The following KAZN variants were observed in gnomAD, a reference collection of about 807,000 sequenced individuals.
KAZN encodes kazrin.
A neutral mutation model predicts 87.4 loss-of-function variants in KAZN; 40 were observed. The ratio of observed to expected loss-of-function variants is 0.46; its 90% CI spans 0.36 to 0.60. KAZN has a LOEUF of 0.60. Ranked by LOEUF, KAZN falls within the 20% of genes least tolerant of loss-of-function variation. KAZN has a pLI of 0.00. For missense variants in KAZN, 898 were observed against 1,073.9 expected (o/e 0.84, Z 2.29); for synonymous variants, 466 against 458.3 (o/e 1.02, Z -0.22).
chr1:14,703,506 T>A (rs1256204674), intron 1 of KAZN, among the ~76,000 whole-genome samples: 1 of 152,252 alleles, frequency 6.6e-6, no homozygotes, highest in African/African-American at 2.4e-5. Flanking sequence ...TCTGCCATGA[T>A]TGTCAGTTTC....
rs2100572331 is a variant in KAZN, at chr1:15,066,743, G to A, written c.1222+990G>A. ...TGCTGCTACCCAACTGTGCAAAGTA[G>A]TTTAGGGTGGCCAGAACCCAGGGAC... On this transcript the variant is annotated intron_variant, in intron 8 of 14. Transcript: ENST00000376030. This position sits in a 1 kb window ranked among gnomAD's most constrained non-coding sequence, Gnocchi z 4.3. The A allele has an allele frequency of 1.0e-6, 1 of 985,386 alleles. No individual in the cohort carries two copies. The highest frequency in any genetic ancestry group is 1.7e-5 in the African/African-American group (1 of 57,336). The allele number at this position is 985,386 out of a possible 1,614,324, so 61.0% of individuals were successfully genotyped here. A position where few individuals can be genotyped will look rare whatever the true frequency, so the allele number is the denominator to read the frequency against.
At chr1:14,676,769 C>A (rs978246758) in intron 1 of KAZN, among the ~76,000 whole-genome samples, 3 of 152,046 alleles carry the variant, frequency 2.0e-5, no homozygotes, top group African/African-American at 7.2e-5. Context: ...AGTTGGAAAG[C>A]AGATTGGTGG....
chr1:14,172,512 A>C (rs1645976112), intron 1 of KAZN, among the ~76,000 whole-genome samples: 1 of 152,246 alleles, frequency 6.6e-6, no homozygotes, highest in Admixed American at 6.5e-5. Flanking sequence ...GACCTCATGG[A>C]ACTTACAACT....
At chr1:15,004,172 G>A (rs767953159) in intron 2 of KAZN, among the ~76,000 whole-genome samples, 6 of 152,140 alleles carry the variant, frequency 3.9e-5, no homozygotes, top group Admixed American at 6.5e-5. Context: ...GGATGAGAAC[G>A]TCCTGTATTT....
intron 2 of KAZN, among the ~76,000 whole-genome samples, chr1:14,374,437 G>T (rs932707925): frequency 6.6e-6 from 1 of 152,218 alleles, no homozygotes; most frequent in East Asian, 1.9e-4. Context: ...TCCCCTTCAG[G>T]CAAGGATGAG....
intron 2 of KAZN, among the ~76,000 whole-genome samples, chr1:14,402,389 A>G (rs1663491354): frequency 6.6e-6 from 1 of 152,140 alleles, no homozygotes; most frequent in East Asian, 1.9e-4. Flanking sequence ...ATTCTCATGG[A>G]AAGTTTATGA....
At chr1:14,685,853 G>A (rs1640920628) in intron 1 of KAZN, among the ~76,000 whole-genome samples, 1 of 152,176 alleles carries the variant, frequency 6.6e-6, no homozygotes, top group African/African-American at 2.4e-5. Context: ...TTACAGCTAT[G>A]GCTTCTGTGT....
intron 1 of KAZN, among the ~76,000 whole-genome samples, chr1:14,629,393 C>T (rs1035679299): frequency 8.5e-5 from 13 of 152,208 alleles, no homozygotes; most frequent in Non-Finnish European, 1.8e-4. Context: ...TGCTCTTCTA[C>T]TAAGTCACTT....
intron 2 of KAZN, among the ~76,000 whole-genome samples, chr1:14,349,778 G>A (rs1023499415): frequency 2.6e-5 from 4 of 152,122 alleles, no homozygotes; most frequent in African/African-American, 4.8e-5. Context: ...GGACAGCCTG[G>A]CCTGGCAGGC....
intron 1 of KAZN, among the ~76,000 whole-genome samples, chr1:14,621,539 G>A (rs893965228): frequency 6.6e-6 from 1 of 152,168 alleles, no homozygotes; most frequent in Non-Finnish European, 1.5e-5. Flanking sequence ...TTTGCTTTGG[G>A]GAACAAGACA....
chr1:14,572,056 G>C (rs1674902866), intron 2 of KAZN, among the ~76,000 whole-genome samples: 1 of 152,172 alleles, frequency 6.6e-6, no homozygotes, highest in African/African-American at 2.4e-5. Context: ...TGCAGCTTCG[G>C]GGGAGGTACT....
At chr1:14,519,325 G>A (rs927687772) in intron 2 of KAZN, among the ~76,000 whole-genome samples, 3 of 152,258 alleles carry the variant, frequency 2.0e-5, no homozygotes, top group South Asian at 2.1e-4. Flanking sequence ...GATGGCCTCC[G>A]AGGCCAGTTC....
intron 2 of KAZN, among the ~76,000 whole-genome samples, chr1:14,523,991 C>CGTTTTGTTTTGTTTTGTTTT (rs57675147): frequency 6.7e-5 from 10 of 148,914 alleles, no homozygotes; most frequent in African/African-American, 2.2e-4. Context: ...GCGTGTCACT[C>CGTTTTGTTTTGTTTTGTTTT]GTTTTGTTTT....
At chr1:13,994,887 C>CAAAT (rs990774362) in intron 1 of KAZN, among the ~76,000 whole-genome samples, 5 of 151,782 alleles carry the variant, frequency 3.3e-5, no homozygotes, top group Non-Finnish European at 5.9e-5. Context: ...AACAAACAAA[C>CAAAT]AAACAAACAA....
chr1:14,478,811 A>G (rs911073658), intron 2 of KAZN, among the ~76,000 whole-genome samples: 21 of 152,294 alleles, frequency 1.4e-4, no homozygotes, highest in African/African-American at 5.1e-4. Flanking sequence ...TGCTGTGGTC[A>G]GAGTGTGTCC....
intron 1 of KAZN, among the ~76,000 whole-genome samples, chr1:14,858,203 C>CTTTTTTTTTTTTTTTTTTTTTT (rs1388659468): frequency 6.3e-5 from 6 of 95,102 alleles, no homozygotes; most frequent in African/African-American, 3.2e-4. Context: ...TTTCTTTTTT[C>CTTTTTTTTTTTTTTTTTTTTTT]TTTTTCTTTT....
Position 14,100,036 on chromosome 1 carries a change from C to T in KAZN, c.92-80399C>T, listed in dbSNP as rs577541596. 1.7e-4 allele frequency among the ~76,000 whole-genome samples: 26 copies of T among 152,206 alleles called. 1 individual carries two copies. In the South Asian group the frequency reaches 5.2e-3, roughly 30 times the overall value. On this transcript the variant is annotated intron_variant, in intron 1 of 16. Coordinates refer to the KAZN transcript ENST00000636203. ...AGGCAATAAAGTACTGGAGAATGGCCATGAAAGTTGCATCTGCAGCCAACA... is the reference window on the plus strand; with the variant it reads ...AGGCAATAAAGTACTGGAGAATGGCTATGAAAGTTGCATCTGCAGCCAACA...
At position 15,117,043 on chromosome 1, in the gene KAZN, G is replaced by A. The variant is rs554035108; in HGVS notation, c.*2408G>A. The A allele has an allele frequency of 6.6e-6, 1 of 152,292 alleles. No homozygotes were observed. Among genetic ancestry groups the A allele is most frequent in the South Asian group, 2.1e-4 (1 of 4,830 alleles). 9.4% of individuals were successfully genotyped at this position (152,292 alleles called of 1,614,324 possible). A position where few individuals can be genotyped will look rare whatever the true frequency, so the allele number is the denominator to read the frequency against. On this transcript the variant is annotated 3_prime_UTR_variant, in exon 15 of 15. Transcript: ENST00000376030. ...GGAGCTGGTTTCTCAACATGAGGATGGGTTGGTTGTTAAATTAACAACCTC... is the reference window on the plus strand; with the variant it reads ...GGAGCTGGTTTCTCAACATGAGGATAGGTTGGTTGTTAAATTAACAACCTC...
intron 2 of KAZN, among the ~76,000 whole-genome samples, chr1:14,985,563 G>A (rs1666721775): frequency 6.6e-6 from 1 of 152,006 alleles, no homozygotes; most frequent in African/African-American, 2.4e-5. Context: ...AAGATGGAAT[G>A]AAAGAATGAG....
Sources: allele counts gnomAD v4.1 joint callset (sites outside exome capture counted in the v4.1 genomes callset), GRCh38; gene constraint gnomAD v4.1.1; non-coding constraint Gnocchi (gnomAD v3.1); transcripts MANE v1.5; gene names NCBI Gene and HGNC (gene_info 2026-07-23, HGNC 2026-07-21).